ZNF839: variants seen among roughly 807,000 people sequenced by gnomAD.
ZNF839 encodes the protein renal carcinoma antigen NY-REN-50.
Under a neutral mutation model 56.4 loss-of-function variants are expected in ZNF839, and 38 were observed. That is an observed-to-expected ratio of 0.67 (90% confidence interval 0.52 to 0.88). The LOEUF is 0.88. Among genes scored for constraint, ZNF839 ranks in the 40% least tolerant of loss-of-function variants. The probability of loss-of-function intolerance (pLI) is 0.00; values close to 1 mark genes in which losing one functional copy is unlikely to be tolerated. For missense variants in ZNF839, 1,091 were observed against 1,177.6 expected (o/e 0.93, Z 1.08); for synonymous variants, 486 against 493.5 (o/e 0.98, Z 0.20).
chr14:102,334,215 C>A lies in ZNF839; in HGVS notation c.1417-339C>A, dbSNP rs578019605. On this transcript the variant is annotated intron_variant, in intron 3 of 7. Coordinates refer to ENST00000442396, the MANE Select transcript of ZNF839 (RefSeq NM_018335.6). ...CCCTTCTGGCCTGCCCGTCTCCAGG[C>A]GCCGCCTCCAGCTGTGCCACCCCCT... 3.9e-5 allele frequency among the ~76,000 whole-genome samples: 6 copies of A among 152,354 alleles called. 1 individual carries two copies. Among genetic ancestry groups the A allele is most frequent in the African/African-American group, 1.4e-4 (6 of 41,586 alleles).
intron 1 of ZNF839, among the ~76,000 whole-genome samples, chr14:102,325,418 CTTTAT>C (rs970111542): frequency 2.0e-5 from 3 of 151,780 alleles, no homozygotes; most frequent in Non-Finnish European, 2.9e-5. Context: ...GTTCCATCAA[CTTTAT>C]TTTATTTATG....
In ZNF839 at chr14:102,342,077, C is replaced by T. The variant is rs560661107; in HGVS notation, c.2682C>T (p.Ser894=). The change falls in exon 8 of 8, where the codon TCC becomes TCT. Residue 894 remains serine, a synonymous_variant. Coordinates refer to ENST00000442396, the MANE Select transcript of ZNF839 (RefSeq NM_018335.6). ...AGAAGCAGATTTTTATTCAGACTTC[C>T]GATGGGCTTATCTTGTCCCCTCCAG... The part of the protein sequence containing the change: ...QGQKQIFIQT[S]DGLILSPPGT... The T allele has an allele frequency of 1.4e-5, 22 of 1,613,952 alleles. No individual in the cohort carries two copies. Among genetic ancestry groups the T allele is most frequent in the African/African-American group, 9.3e-5 (7 of 75,040 alleles).
Position 102,326,086 on chromosome 14 carries a change from G to C in ZNF839, c.390G>C (p.Lys130Asn). 1.2e-6 allele frequency: 2 copies of C among 1,613,906 alleles called. No homozygotes were observed. The highest frequency in any genetic ancestry group is 1.7e-6 in the Non-Finnish European group (2 of 1,179,844). ...PTTIQPQTAR[K>N]SQLPRGNSCL... ...CAATCCAGCCCCAAACTGCAAGAAA[G>C]AGCCAGCTGCCCCGGGGGAATTCCT... The change falls in exon 2 of 8, where the codon AAG becomes AAC. Residue 130 changes from lysine (K) to asparagine (N), a missense_variant. Physicochemically the swap from Lys to Asn is moderately conservative, Grantham distance 94. Coordinates refer to ENST00000442396, the MANE Select transcript of ZNF839 (RefSeq NM_018335.6). This position sits in a 1 kb window ranked among gnomAD's most constrained non-coding sequence, Gnocchi z 4.3.
chr14:102,330,992 G>A (rs2073752276), intron 2 of ZNF839, among the ~76,000 whole-genome samples: 1 of 152,160 alleles, frequency 6.6e-6, no homozygotes, highest in South Asian at 2.1e-4. Context: ...CGGGAGGGAG[G>A]AGGAGGAGTG....
Position 102,326,354 on chromosome 14 carries a change from CTT to C in ZNF839, c.660_661del (p.Ser221IlefsTer17). ...SASDPLAVTS[L>X]SSSSAHPFIS... is the part of the protein sequence containing the mutation. ...CTCTGACCCGCTGGCAGTAACATCT[CTT>C]TCATCCAGTTCAGCACATCCATTTA... On this transcript the variant is annotated frameshift_variant, in exon 2 of 8. Coordinates refer to ENST00000442396, the MANE Select transcript of ZNF839 (RefSeq NM_018335.6). LOFTEE classifies it high-confidence loss of function. The surrounding 1 kb of genome is among the most constrained non-coding windows in gnomAD (Gnocchi z 4.3). 3.1e-6 allele frequency: 5 copies of C among 1,610,056 alleles called. No homozygotes were observed. The highest frequency in any genetic ancestry group is 4.2e-6 in the Non-Finnish European group (5 of 1,177,944).
chr14:102,318,036 A>C (rs1225022487), upstream of ZNF839, among the ~76,000 whole-genome samples: 2 of 152,258 alleles, frequency 1.3e-5, no homozygotes, highest in African/African-American at 2.4e-5. Context: ...GAAGCAGCTC[A>C]ACATCTACAG....
rs1297717994 is a variant in ZNF839 at position 102,326,436 on chromosome 14, A to G, written c.740A>G (p.Lys247Arg). Residue 247 changes from lysine (K) to arginine (R), a missense_variant, in exon 2 of 8, where the codon AAG becomes AGG. Lys to Arg is a conservative substitution (Grantham distance 26). Transcript: ENST00000442396. This position sits in a 1 kb window ranked among gnomAD's most constrained non-coding sequence, Gnocchi z 4.3. ...AAACTAAAAAAATCGTTAAAAGTAAAGACACGTTCTGGACGGGTATCTCGA... is the reference window on the plus strand; with the variant it reads ...AAACTAAAAAAATCGTTAAAAGTAAGGACACGTTCTGGACGGGTATCTCGA... ...TEKLKKSLKV[K>R]TRSGRVSRPP... 6.2e-7 allele frequency: 1 copy of G among 1,613,848 alleles called. No individual in the cohort carries two copies. Among genetic ancestry groups the G allele is most frequent in the Non-Finnish European group, 8.5e-7 (1 of 1,179,878 alleles).
chr14:102,338,822 G>C lies in ZNF839; in HGVS notation c.1666G>C (p.Glu556Gln). ...TTGGCCCATTTCTTTTCAGGTTGCT[G>C]AGTCATTAGGAATCACAGAATTCCT... ...TLEINNDKVA[E>Q]SLGITEFLRK... Residue 556 changes from glutamate to glutamine, a missense_variant, in exon 6 of 8, where the codon GAG (glutamate) becomes CAG (glutamine). By Grantham distance (29) the Glu-to-Gln change is conservative (BLOSUM62 2). Around this residue, in one of 3 missense-constraint regions of ZNF839, gnomAD observed 46 missense variants for 80.4 expected, o/e 0.57. Transcript: ENST00000442396. The C allele has an allele frequency of 6.2e-7, 1 of 1,613,916 alleles. No homozygotes were observed. Among genetic ancestry groups the C allele is most frequent in the African/African-American group, 1.3e-5 (1 of 75,020 alleles).
upstream of ZNF839, chr14:102,319,451 T>C: frequency 4.2e-6 from 1 of 236,368 alleles, no homozygotes; most frequent in East Asian, 7.9e-5. This position sits in a 1 kb window ranked among gnomAD's most constrained non-coding sequence, Gnocchi z 4.5. Context: ...TTGTGGTAAC[T>C]TTTGGGCCAG....
At chr14:102,328,790 T>C (rs190753943) in intron 2 of ZNF839, among the ~76,000 whole-genome samples, 20 of 152,150 alleles carry the variant, frequency 1.3e-4, no homozygotes, top group Non-Finnish European at 2.5e-4. Context: ...AAGGTTTATG[T>C]TGTAGTAAGT....
At chr14:102,327,134 T>C (rs181027271) in intron 2 of ZNF839, among the ~76,000 whole-genome samples, 19 of 150,948 alleles carry the variant, frequency 1.3e-4, no homozygotes, top group Admixed American at 1.2e-3. Flanking sequence ...CAGGGGGAGG[T>C]ACCACACACT....
chr14:102,319,887 T>A lies in ZNF839; in HGVS notation c.122T>A (p.Leu41Gln). The change falls in exon 1 of 8, where the codon CTG becomes CAG. Residue 41 changes from leucine to glutamine, a missense_variant. Physicochemically the swap from Leu to Gln is moderately radical, Grantham distance 113 (BLOSUM62 -2). This residue lies in a region of ZNF839 where 614 missense variants were observed against 629.2 expected (regional missense o/e 0.98). Coordinates refer to ENST00000442396, the MANE Select transcript of ZNF839 (RefSeq NM_018335.6). The surrounding 1 kb of genome is among the most constrained non-coding windows in gnomAD (Gnocchi z 4.5). Reference sequence around the variant, plus strand: ...GTGGCCCCGCTGGGCCCCGAGCAGCTGCGGCAGGTCCTGGAGCAGGTGACG... The same window carrying A: ...GTGGCCCCGCTGGGCCCCGAGCAGCAGCGGCAGGTCCTGGAGCAGGTGACG... Reference protein sequence around the residue: ...ARVAPLGPEQLRQVLEQVTKA... With the variant: ...ARVAPLGPEQQRQVLEQVTKA... 1 of 1,204,784 alleles carries A rather than the reference T, an allele frequency of 8.3e-7. No individual in the cohort carries two copies. Among genetic ancestry groups the A allele is most frequent in the Non-Finnish European group, 1.0e-6 (1 of 963,122 alleles). 74.6% of individuals were successfully genotyped at this position (1,204,784 alleles called of 1,614,324 possible).
intron 1 of ZNF839, among the ~76,000 whole-genome samples, chr14:102,324,956 AAAAG>A (rs1162173816): frequency 1.3e-5 from 2 of 152,160 alleles, no homozygotes; most frequent in African/African-American, 4.8e-5. Context: ...TCTCAAAAGA[AAAAG>A]AAAAACCTCA....
intron 1 of ZNF839, among the ~76,000 whole-genome samples, chr14:102,325,089 C>T (rs2073339447): frequency 1.3e-5 from 2 of 152,054 alleles, no homozygotes; most frequent in African/African-American, 4.8e-5. Context: ...TGGTGTCTCA[C>T]GCTGGAAATC....
Position 102,320,012 on chromosome 14 carries a change from G to A in ZNF839, c.247G>A (p.Gly83Ser). 2 of 1,182,154 alleles carry A rather than the reference G, an allele frequency of 1.7e-6. No individual in the cohort carries two copies. The allele number at this position is 1,182,154 out of a possible 1,614,324, so 73.2% of individuals were successfully genotyped here. ...ACAGGCCGCCCTGCAGCGGGGCCGGGGCACCGAGCCCCCGCGCCTGCCGCG... is the reference window on the plus strand; with the variant it reads ...ACAGGCCGCCCTGCAGCGGGGCCGGAGCACCGAGCCCCCGCGCCTGCCGCG... ...AQQAALQRGRGTEPPRLPRLL... is the reference protein window; with the variant it reads ...AQQAALQRGRSTEPPRLPRLL... Residue 83 changes from glycine (G) to serine (S), a missense_variant, in exon 1 of 8, where the codon GGC becomes AGC. Transcript: ENST00000442396.
rs137859093 is a variant in ZNF839, at chr14:102,331,542, G to A, written c.1192-80G>A. ...TGGGATTTCAGGTGTGAGCCACGGC[G>A]CCCGGCCACTAAAAGGTTTTTATGG... On this transcript the variant is annotated intron_variant, in intron 2 of 7. Coordinates refer to ENST00000442396, the MANE Select transcript of ZNF839 (RefSeq NM_018335.6). 6,915 of 1,272,658 alleles carry A rather than the reference G, an allele frequency of 5.4e-3. 25 individuals carry two copies. Among genetic ancestry groups the A allele is most frequent in the Non-Finnish European group, 6.7e-3 (6,153 of 921,928 alleles). The allele number at this position is 1,272,658 out of a possible 1,614,324, so 78.8% of individuals were successfully genotyped here. A position where few individuals can be genotyped will look rare whatever the true frequency, so the allele number is the denominator to read the frequency against.
intron 2 of ZNF839, among the ~76,000 whole-genome samples, chr14:102,327,437 G>A (rs1206637970): frequency 6.6e-6 from 1 of 152,074 alleles, no homozygotes; most frequent in African/African-American, 2.4e-5. Flanking sequence ...CACCACGCCT[G>A]GCCACCACAC....
chr14:102,327,941 G>A (rs1332171695), intron 2 of ZNF839, among the ~76,000 whole-genome samples: 3 of 152,114 alleles, frequency 2.0e-5, no homozygotes, highest in Non-Finnish European at 2.9e-5. Flanking sequence ...CTTCTGGAGT[G>A]TCAACAGCTC....
In ZNF839 at chr14:102,326,867, T is replaced by G. The variant is rs764203410; in HGVS notation, c.1171T>G (p.Ser391Ala). The G allele has an allele frequency of 6.2e-7, 1 of 1,603,642 alleles. No individual in the cohort carries two copies. The highest frequency in any genetic ancestry group is 8.5e-7 in the Non-Finnish European group (1 of 1,173,422). Residue 391 changes from serine to alanine, a missense_variant, in exon 2 of 8, where the codon TCA becomes GCA. Around this residue, in one of 3 missense-constraint regions of ZNF839, gnomAD observed 614 missense variants for 629.2 expected, o/e 0.98. Coordinates refer to ENST00000442396, the MANE Select transcript of ZNF839 (RefSeq NM_018335.6). This position sits in a 1 kb window ranked among gnomAD's most constrained non-coding sequence, Gnocchi z 4.3. ...GGCCCGCTCCTGCTTGGTGACAGAG[T>G]CAGCACGCGGTGGCCTGCAGGTAAT... is the stretch of plus-strand genomic sequence containing the variant. ...GGARSCLVTE[S>A]ARGGLQNGQS...
Sources: allele counts gnomAD v4.1 joint callset (sites outside exome capture counted in the v4.1 genomes callset), GRCh38; gene constraint gnomAD v4.1.1; regional missense constraint gnomAD v4.1.1; non-coding constraint Gnocchi (gnomAD v3.1); transcripts MANE v1.5; gene names NCBI Gene and HGNC (gene_info 2026-07-23, HGNC 2026-07-21).